Variants in ZBTB8B observed in about 807,000 individuals in gnomAD.
The protein encoded by ZBTB8B is zinc finger and BTB domain-containing protein 8B.
ZBTB8B carries 17 observed loss-of-function variants against 30.3 expected under a neutral mutation model. The ratio of observed to expected loss-of-function variants is 0.56; its 90% CI spans 0.38 to 0.84. ZBTB8B has a LOEUF of 0.84. Among genes scored for constraint, ZBTB8B ranks in the 40% least tolerant of loss-of-function variants. The probability of loss-of-function intolerance (pLI) is 0.00; values close to 1 mark genes in which losing one functional copy is unlikely to be tolerated. For synonymous variants in ZBTB8B, 248 were observed against 255.6 expected (o/e 0.97, Z 0.28); for missense variants, 515 against 644.9 (o/e 0.80, Z 2.18).
At position 32,484,060 on chromosome 1, in the gene ZBTB8B, CA is replaced by C. The variant is rs1480214928; in HGVS notation, c.1171-1040del. 6.6e-6 allele frequency among the ~76,000 whole-genome samples: 1 copy of C among 151,672 alleles called. No homozygotes were observed. Among genetic ancestry groups the C allele is most frequent in the Non-Finnish European group, 1.5e-5 (1 of 67,930 alleles). ...CCTCTACAAGAAATAAAAAATTAGC[CA>C]GGCATGATGATATGTGGGCGCCTGT... On this transcript the variant is annotated intron_variant, in intron 3 of 3. Coordinates refer to ENST00000609129, the MANE Select transcript of ZBTB8B (RefSeq NM_001145720.2). This position sits in a 1 kb window ranked among gnomAD's most constrained non-coding sequence, Gnocchi z 4.5.
chr1:32,481,529 C>T lies in ZBTB8B; in HGVS notation c.1170+460C>T, dbSNP rs148499582. Among the ~76,000 whole-genome samples the T allele has an allele frequency of 2.7e-3, 406 of 152,204 alleles. 1 individual carries two copies. Among genetic ancestry groups the T allele is most frequent in the Non-Finnish European group, 3.9e-3 (264 of 67,998 alleles). On this transcript the variant is annotated intron_variant, in intron 3 of 3. Coordinates refer to ENST00000609129, the MANE Select transcript of ZBTB8B (RefSeq NM_001145720.2). ...AAAAAGGGCTCCAGCCCAAGGAGAC[C>T]CTCCCCTCTAACAAGCTGCCCCCTA...
rs561953320 is a variant in ZBTB8B at position 32,496,027 on chromosome 1, T to C, written c.*10609T>C. ...TATAAAATTCTAATGGAGAATTTTA[T>C]GGACAAGATTTTAGTTAAGGAAAAA... On this transcript the variant is annotated 3_prime_UTR_variant, in exon 4 of 4. Coordinates refer to ENST00000609129, the MANE Select transcript of ZBTB8B (RefSeq NM_001145720.2). The C allele has an allele frequency of 3.0e-4, 46 of 152,320 alleles. 1 individual carries two copies. Among genetic ancestry groups the C allele is most frequent in the Admixed American group, 1.4e-3 (22 of 15,284 alleles). 9.4% of individuals were successfully genotyped at this position (152,320 alleles called of 1,614,324 possible).
rs192610483 is a variant in ZBTB8B, at chr1:32,481,508, A to C, written c.1170+439A>C. On this transcript the variant is annotated intron_variant, in intron 3 of 3. Coordinates refer to ENST00000609129, the MANE Select transcript of ZBTB8B (RefSeq NM_001145720.2). ...AGCTACCTGTGGGCAGCAGACAAAA[A>C]GGGCTCCAGCCCAAGGAGACCCTCC... 2.2e-3 allele frequency among the ~76,000 whole-genome samples: 340 copies of C among 152,218 alleles called. 1 individual carries two copies. The highest frequency in any genetic ancestry group is 7.8e-3 in the African/African-American group (325 of 41,538).
intron 2 of ZBTB8B, among the ~76,000 whole-genome samples, chr1:32,473,571 G>A (rs963092230): frequency 1.3e-5 from 2 of 149,592 alleles, no homozygotes; most frequent in African/African-American, 5.0e-5. Flanking sequence ...AGAGTGCAGT[G>A]GCATAATCAC....
At chr1:32,481,741 T>C (rs1643707074) in intron 3 of ZBTB8B, among the ~76,000 whole-genome samples, 1 of 152,098 alleles carries the variant, frequency 6.6e-6, no homozygotes, top group African/African-American at 2.4e-5. Context: ...AGGAATTAGT[T>C]CTCTTTGCTC....
intron 2 of ZBTB8B, among the ~76,000 whole-genome samples, chr1:32,473,489 A>G (rs1463514658): frequency 6.8e-6 from 1 of 147,882 alleles, no homozygotes; most frequent in Non-Finnish European, 1.5e-5. Context: ...ATTTTTATTC[A>G]TTACTAAATG....
intron 2 of ZBTB8B, among the ~76,000 whole-genome samples, chr1:32,475,615 T>C (rs1208793983): frequency 6.6e-6 from 1 of 151,922 alleles, no homozygotes; most frequent in East Asian, 1.9e-4. Flanking sequence ...GACACAAATG[T>C]AAATGACGTC....
In ZBTB8B at chr1:32,471,044, G is replaced by GGCAGCGGCGGCGGCTGCAGCGGCGGCA. The variant is rs930704503; in HGVS notation, c.432_458dup (p.Ala145_Ala153dup). The GGCAGCGGCGGCGGCTGCAGCGGCGGCA allele has an allele frequency of 4.5e-6, 7 of 1,549,906 alleles. No homozygotes were observed. Among genetic ancestry groups the GGCAGCGGCGGCGGCTGCAGCGGCGGCA allele is most frequent in the East Asian group, 4.9e-5 (2 of 40,886 alleles). On this transcript the variant is annotated inframe_insertion, in exon 2 of 4. Coordinates refer to ENST00000609129, the MANE Select transcript of ZBTB8B (RefSeq NM_001145720.2). ...CTGCTGTGGCTGCAGCAGTGGCGGCGGCAGCGGCGGCGGCTGCAGCGGCGG... is the reference window on the plus strand; with the variant it reads ...CTGCTGTGGCTGCAGCAGTGGCGGCGGCAGCGGCGGCGGCTGCAGCGGCGGCAGCAGCGGCGGCGGCTGCAGCGGCGG...
At chr1:32,470,053 G>A (rs1448095121) in intron 1 of ZBTB8B, among the ~76,000 whole-genome samples, 1 of 151,950 alleles carries the variant, frequency 6.6e-6, no homozygotes, top group South Asian at 2.1e-4. Flanking sequence ...TGTATTTTTA[G>A]CAGAGAAGGG....
At chr1:32,474,842 G>T (rs879473354) in intron 2 of ZBTB8B, among the ~76,000 whole-genome samples, 13 of 152,222 alleles carry the variant, frequency 8.5e-5, no homozygotes, top group Non-Finnish European at 1.6e-4. Flanking sequence ...CAGAAAACTG[G>T]AGTGGCTTCT....
Position 32,471,248 on chromosome 1 carries a change from A to T in ZBTB8B, c.624A>T (p.Arg208Ser), listed in dbSNP as rs1169798705. 6 of 1,551,798 alleles carry T rather than the reference A, an allele frequency of 3.9e-6. No homozygotes were observed. The highest frequency in any genetic ancestry group is 4.4e-6 in the Non-Finnish European group (5 of 1,147,032). ...GCCACCCCTTGGAACTGGTGGTGAGAGACAGCCTTGGCGGTGGCTCGGCTG... is the reference window on the plus strand; with the variant it reads ...GCCACCCCTTGGAACTGGTGGTGAGTGACAGCCTTGGCGGTGGCTCGGCTG... ...GDCHPLELVVRDSLGGGSADS... is the reference protein window; with the variant it reads ...GDCHPLELVVSDSLGGGSADS... Residue 208 changes from arginine (R) to serine (S), a missense_variant, in exon 2 of 4, where the codon AGA becomes AGT. Physicochemically the swap from Arg to Ser is moderately radical, Grantham distance 110. Coordinates refer to ENST00000609129, the MANE Select transcript of ZBTB8B (RefSeq NM_001145720.2).
chr1:32,470,723 G>C lies in ZBTB8B; in HGVS notation c.99G>C (p.Arg33=). 6.4e-7 allele frequency: 1 copy of C among 1,551,742 alleles called. No individual in the cohort carries two copies. Among genetic ancestry groups the C allele is most frequent in the East Asian group, 2.4e-5 (1 of 40,898 alleles). Residue 33 remains arginine (R), a synonymous_variant, in exon 2 of 4, where the codon CGG becomes CGC. Transcript: ENST00000609129. Reference sequence around the variant, plus strand: ...ACTGCAGCATCATTGTGGAAGGGCGGATCTTCAAGGCCCACAGGAACATTT... The same window carrying C: ...ACTGCAGCATCATTGTGGAAGGGCGCATCTTCAAGGCCCACAGGAACATTT... ...FCDCSIIVEG[R]IFKAHRNILF... is the part of the protein sequence containing the mutation.
intron 1 of ZBTB8B, among the ~76,000 whole-genome samples, chr1:32,469,246 A>ATTT (rs541160413): frequency 4.8e-4 from 56 of 117,346 alleles, no homozygotes; most frequent in African/African-American, 6.4e-4. Flanking sequence ...CTCAAGTATA[A>ATTT]TTTTTTTTTT....
chr1:32,491,662 TGTCCC>T lies in ZBTB8B; in HGVS notation c.*6245_*6249del, dbSNP rs1643780324. 6.6e-6 allele frequency: 1 copy of T among 152,236 alleles called. No homozygotes were observed. The highest frequency in any genetic ancestry group is 2.1e-4 in the South Asian group (1 of 4,828). The allele number at this position is 152,236 out of a possible 1,614,324, so 9.4% of individuals were successfully genotyped here. Reference sequence around the variant, plus strand: ...ACAGCTTCATAGACATGGCCTCCAGTGTCCCTATAAAAGACATGCCTGTTCCAAGC... The same window carrying T: ...ACAGCTTCATAGACATGGCCTCCAGTTATAAAAGACATGCCTGTTCCAAGC... On this transcript the variant is annotated 3_prime_UTR_variant, in exon 4 of 4. Coordinates refer to ENST00000609129, the MANE Select transcript of ZBTB8B (RefSeq NM_001145720.2).
intron 3 of ZBTB8B, among the ~76,000 whole-genome samples, chr1:32,483,423 T>C (rs1004816621): frequency 1.6e-4 from 24 of 150,746 alleles, no homozygotes; most frequent in Non-Finnish European, 3.0e-4. Context: ...AGACGGCGTC[T>C]CAAAAAAAAC....
intron 2 of ZBTB8B, among the ~76,000 whole-genome samples, chr1:32,471,968 C>T (rs1184814431): frequency 7.1e-6 from 1 of 140,024 alleles, no homozygotes; most frequent in Non-Finnish European, 1.7e-5. Context: ...CCATCATCTC[C>T]AGTATCACCA....
chr1:32,475,304 G>A (rs1287167966), intron 2 of ZBTB8B, among the ~76,000 whole-genome samples: 14 of 152,170 alleles, frequency 9.2e-5, no homozygotes, highest in African/African-American at 3.1e-4. Context: ...AATGTGGGCC[G>A]GGCTCAGTCG....
At position 32,496,433 on chromosome 1, in the gene ZBTB8B, G is replaced by A. The variant is rs1184389717; in HGVS notation, c.*11015G>A. ...GGATTAGTTCATTACAAAGGCACTT[G>A]TCAAAACATATTTATTAAAAAGAGG... On this transcript the variant is annotated 3_prime_UTR_variant, in exon 4 of 4. Transcript: ENST00000609129. 1 of 152,120 alleles carries A rather than the reference G, an allele frequency of 6.6e-6. No homozygotes were observed. The highest frequency in any genetic ancestry group is 1.5e-5 in the Non-Finnish European group (1 of 68,026). The allele number at this position is 152,120 out of a possible 1,614,324, so 9.4% of individuals were successfully genotyped here. A position where few individuals can be genotyped will look rare whatever the true frequency, so the allele number is the denominator to read the frequency against.
intron 2 of ZBTB8B, among the ~76,000 whole-genome samples, chr1:32,475,448 T>C (rs1479084753): frequency 1.3e-5 from 2 of 151,930 alleles, no homozygotes; most frequent in Non-Finnish European, 2.9e-5. Context: ...TAGCCAGGCG[T>C]GGTGGCGAGT....
Sources: gnomAD v4.1 joint callset for allele counts (sites outside exome capture counted in the v4.1 genomes callset) on GRCh38, gnomAD v4.1.1 for gene constraint, Gnocchi (gnomAD v3.1) non-coding constraint, MANE v1.5 for transcripts, NCBI Gene and HGNC (gene_info 2026-07-23, HGNC 2026-07-21) for gene names.